KIR2DL3: variants seen among roughly 807,000 people sequenced by gnomAD.
KIR2DL3 encodes the protein killer cell immunoglobulin like receptor, two Ig domains and long cytoplasmic tail 3, also known as killer cell immunoglobulin-like receptor 2DL3.
Under a neutral mutation model 33.8 loss-of-function variants are expected in KIR2DL3, and 39 were observed. The ratio of observed to expected loss-of-function variants is 1.15; its 90% CI spans 0.89 to 1.51. The LOEUF (loss-of-function observed/expected upper bound fraction) is 1.51, where lower values mean the gene tolerates loss of function less well. Among genes scored for constraint, KIR2DL3 ranks in the 40% most tolerant of loss-of-function variants. The pLI is 0.00. For synonymous variants in KIR2DL3, 174 were observed against 160.2 expected, an observed-to-expected ratio of 1.09 and a Z score of -0.65; for missense variants, 462 against 426.2, an observed-to-expected ratio of 1.08 and a Z score of -0.74.
Position 54,752,531 on chromosome 19 carries a change from C to T in KIR2DL3, c.*12C>T. 1 of 1,463,440 alleles carries T rather than the reference C, an allele frequency of 6.8e-7. No individual in the cohort carries two copies. 90.7% of individuals were successfully genotyped at this position (1,463,440 alleles called of 1,614,324 possible). Reference sequence around the variant, plus strand: ...ATGCTGAGCCCTGATCCAAAGTTGTCTCCTGCCCATGAGCACCACAGTCAG... The same window carrying T: ...ATGCTGAGCCCTGATCCAAAGTTGTTTCCTGCCCATGAGCACCACAGTCAG... On this transcript the variant is annotated 3_prime_UTR_variant, in exon 8 of 8. Transcript: ENST00000342376.
In KIR2DL3 at chr19:54,752,484, A is replaced by G. The variant is rs1351121987; in HGVS notation, c.991A>G (p.Ile331Val). Residue 331 changes from isoleucine to valine, a missense_variant, in exon 8 of 8, where the codon ATC becomes GTC. Coordinates refer to ENST00000342376, the MANE Select transcript of KIR2DL3 (RefSeq NM_015868.3). Reference protein sequence around the residue: ...QRPKTPPTDIIVYTELPNAEP With the variant: ...QRPKTPPTDIVVYTELPNAEP ...GCCCAAGACACCCCCAACAGATATCATCGTGTACACGGAACTTCCAAATGC... is the reference window on the plus strand; with the variant it reads ...GCCCAAGACACCCCCAACAGATATCGTCGTGTACACGGAACTTCCAAATGC... 8 of 1,464,672 alleles carry G rather than the reference A, an allele frequency of 5.5e-6. 1 individual carries two copies. The African/African-American group carries it at 1.1e-4, about 20-fold the overall frequency. The allele number at this position is 1,464,672 out of a possible 1,614,324, so 90.7% of individuals were successfully genotyped here. A position where few individuals can be genotyped will look rare whatever the true frequency, so the allele number is the denominator to read the frequency against.
chr19:54,751,212 G>A (rs1232327269), intron 5 of KIR2DL3, among the ~76,000 whole-genome samples: 2 of 132,120 alleles, frequency 1.5e-5, no homozygotes, highest in Admixed American at 7.8e-5. Flanking sequence ...GAGATCACAC[G>A]GCAAGAGAGG....
chr19:54,740,200 CT>C (rs955640443), intron 2 of KIR2DL3, among the ~76,000 whole-genome samples: 1 of 152,072 alleles, frequency 6.6e-6, no homozygotes, highest in Non-Finnish European at 1.5e-5. Context: ...CGAGGAGAAT[CT>C]TCTGAGCACA....
chr19:54,740,817 C>T (rs1423637786), intron 2 of KIR2DL3, among the ~76,000 whole-genome samples: 1 of 152,034 alleles, frequency 6.6e-6, no homozygotes, highest in Non-Finnish European at 1.5e-5. Context: ...ACAGCCTGGA[C>T]TGTCCCACTG....
In KIR2DL3 at chr19:54,752,477, A is replaced by G. The variant is rs1346194592; in HGVS notation, c.984A>G (p.Thr328=). 2 of 1,465,736 alleles carry G rather than the reference A, an allele frequency of 1.4e-6. 1 individual carries two copies. Among genetic ancestry groups the G allele is most frequent in the Non-Finnish European group, 1.9e-6 (2 of 1,077,518 alleles). 90.8% of individuals were successfully genotyped at this position (1,465,736 alleles called of 1,614,324 possible). The change falls in exon 8 of 8, where the codon ACA becomes ACG. Residue 328 remains threonine, a synonymous_variant. Transcript: ENST00000342376. The part of the protein sequence containing the change: ...RPSQRPKTPP[T]DIIVYTELPN... ...CTCAGAGGCCCAAGACACCCCCAAC[A>G]GATATCATCGTGTACACGGAACTTC...
chr19:54,745,277 G>C (rs1211974379), intron 4 of KIR2DL3, among the ~76,000 whole-genome samples: 1 of 152,086 alleles, frequency 6.6e-6, no homozygotes, highest in Non-Finnish European at 1.5e-5. Flanking sequence ...ATATCACTTC[G>C]ATATATTGAT....
At chr19:54,738,642 A>C in intron 1 of KIR2DL3, 63 bp downstream of exon 1, 1 of 1,611,698 alleles carries the variant, frequency 6.2e-7, no homozygotes, top group East Asian at 2.2e-5. Context: ...CCAGAGTTGG[A>C]GATATAGGCC....
intron 6 of KIR2DL3, among the ~76,000 whole-genome samples, chr19:54,751,963 C>A (rs2073517878): frequency 7.5e-6 from 1 of 134,044 alleles, no homozygotes; most frequent in African/African-American, 2.8e-5. Context: ...TCCTCATGTC[C>A]CCTGCAGCCA....
chr19:54,744,280 G>T (rs778682854), intron 4 of KIR2DL3, among the ~76,000 whole-genome samples, 192 bp downstream of exon 4: 2 of 152,186 alleles, frequency 1.3e-5, no homozygotes, highest in East Asian at 1.9e-4. Flanking sequence ...ATGAAGGCCC[G>T]CGGCCAGGGC....
intron 2 of KIR2DL3, among the ~76,000 whole-genome samples, chr19:54,741,511 G>A (rs1183219780): frequency 3.6e-4 from 55 of 152,182 alleles, no homozygotes; most frequent in African/African-American, 1.3e-3. Flanking sequence ...CATGGAGAAG[G>A]CACAGGCATG....
intron 4 of KIR2DL3, among the ~76,000 whole-genome samples, chr19:54,744,648 A>G (rs2071937233): frequency 6.7e-6 from 1 of 148,536 alleles, no homozygotes; most frequent in African/African-American, 2.5e-5. Context: ...TGCTTCAGCC[A>G]CCTGAGTAGC....
intron 4 of KIR2DL3, among the ~76,000 whole-genome samples, chr19:54,746,912 G>T (rs549589560): frequency 2.4e-4 from 35 of 147,862 alleles, no homozygotes; most frequent in African/African-American, 8.2e-4. Flanking sequence ...AACCCAGGAG[G>T]CTGTGGTGGC....
chr19:54,738,525 C>A lies in KIR2DL3; in HGVS notation c.-21C>A, dbSNP rs10415421. 69,927 of 1,610,988 alleles carry A rather than the reference C, an allele frequency of 0.043. 1,971 individuals are homozygous for A. The highest frequency in any genetic ancestry group is 0.15 in the African/African-American group (10,978 of 74,580). On this transcript the variant is annotated 5_prime_UTR_variant, in exon 1 of 8. Transcript: ENST00000342376. ...GCTGAGCTGAGCTGGGGCGCGGCCG[C>A]CTGTCTGCACAGACAGCACCATGTC...
Position 54,744,051 on chromosome 19 carries a change from G to A in KIR2DL3, c.627G>A (p.Trp209Ter). The A allele has an allele frequency of 1.2e-6, 2 of 1,614,236 alleles. No homozygotes were observed. Among genetic ancestry groups the A allele is most frequent in the Admixed American group, 1.7e-5 (1 of 60,034 alleles). The change falls in exon 4 of 8, where the codon TGG becomes TGA. Residue 209 changes from tryptophan to a stop codon, truncating the protein, a stop_gained. Coordinates refer to ENST00000342376, the MANE Select transcript of KIR2DL3 (RefSeq NM_015868.3). LOFTEE classifies it high-confidence loss of function. Reference protein sequence around the residue: ...FGSFRDSPYEWSNSSDPLLVS... With the variant: ...FGSFRDSPYE The stretch of plus-strand genomic sequence containing the variant: ...CTTTCCGTGACTCTCCATACGAGTG[G>A]TCAAACTCGAGTGACCCACTGCTTG...
rs1384922085 is a variant in KIR2DL3 at position 54,738,670 on chromosome 19, G to A, written c.34+91G>A. 3.8e-6 allele frequency: 6 copies of A among 1,599,404 alleles called. No individual in the cohort carries two copies. In the African/African-American group the frequency reaches 5.4e-5, roughly 14 times the overall value. On this transcript the variant is annotated intron_variant, in intron 1 of 7. Transcript: ENST00000342376. ...TATAGGCCTGGAAGTGGAGTTATGG[G>A]CCTAGAGATGGAGTGATGGGCCTAG...
At chr19:54,741,308 C>G (rs1351892621) in intron 2 of KIR2DL3, among the ~76,000 whole-genome samples, 120 of 151,144 alleles carry the variant, frequency 7.9e-4, no homozygotes, top group African/African-American at 2.7e-3. Flanking sequence ...CCACTTCACT[C>G]CAGCCTGGGT....
rs796105650 is a variant in KIR2DL3 at position 54,740,168 on chromosome 19, G to C, written c.70+626G>C. 1.9e-3 allele frequency among the ~76,000 whole-genome samples: 283 copies of C among 152,226 alleles called. 2 individuals are homozygous for C. The highest frequency in any genetic ancestry group is 6.6e-3 in the African/African-American group (274 of 41,510). On this transcript the variant is annotated intron_variant, in intron 2 of 7. Transcript: ENST00000342376. ...CAGCCCTGGGCACCAAGGTGTGATA[G>C]TAGCCATAGAAACGTGGAAAGCGAG... is the stretch of plus-strand genomic sequence containing the variant.
At chr19:54,738,896 GATATGGGCCTGGAGTGGA>G (rs2070352472) in intron 1 of KIR2DL3, among the ~76,000 whole-genome samples, 1 of 146,138 alleles carries the variant, frequency 6.8e-6, no homozygotes, top group Non-Finnish European at 1.5e-5. Context: ...CTGGAGTGGA[GATATGGGCCTGGAGTGGA>G]GATATGGGCC....
chr19:54,748,511 G>T (rs1347562060), intron 5 of KIR2DL3, among the ~76,000 whole-genome samples: 31 of 144,118 alleles, frequency 2.2e-4, no homozygotes, highest in Non-Finnish European at 3.7e-4. Context: ...TTCTGCCCTT[G>T]GGACACTGAT....
Sources: gnomAD v4.1 joint callset for allele counts (sites outside exome capture counted in the v4.1 genomes callset) on GRCh38, gnomAD v4.1.1 for gene constraint, MANE v1.5 for transcripts, NCBI Gene and HGNC (gene_info 2026-07-23, HGNC 2026-07-21) for gene names.